DST: variants seen among roughly 807,000 people sequenced by gnomAD.
DST encodes dystonin.
A neutral mutation model predicts 875.2 loss-of-function variants in DST; 253 were observed. The observed-to-expected ratio is 0.29, with a 90% CI of 0.26 to 0.32. The LOEUF is 0.32. DST is among the 10% of genes least tolerant of loss of function. The pLI, the probability that DST is intolerant of heterozygous loss-of-function variation, is 1.00. For missense variants in DST, 8,287 were observed against 9,111.6 expected, an observed-to-expected ratio of 0.91 and a Z score of 3.68; for synonymous variants, 3,124 against 3,197.1, an observed-to-expected ratio of 0.98 and a Z score of 0.77.
At chr6:56,860,556 C>T (rs1349728668) in intron 3 of DST, among the ~76,000 whole-genome samples, 1 of 152,196 alleles carries the variant, frequency 6.6e-6, no homozygotes, top group Admixed American at 6.5e-5. Context: ...CTGGCTCAGG[C>T]TCCCGACGAA....
At chr6:56,790,670 A>T (rs2099719661) in intron 4 of DST, among the ~76,000 whole-genome samples, 1 of 152,204 alleles carries the variant, frequency 6.6e-6, no homozygotes, top group South Asian at 2.1e-4. Flanking sequence ...TCTGGCTGGC[A>T]GCTGGAAATT....
chr6:56,516,219 A>G (rs2096591156), intron 71 of DST, among the ~76,000 whole-genome samples: 1 of 151,602 alleles, frequency 6.6e-6, no homozygotes, highest in Non-Finnish European at 1.5e-5. Flanking sequence ...AAGAGGAATC[A>G]AAGCAGAACA....
chr6:56,536,456 T>G (rs924150906), intron 62 of DST, among the ~76,000 whole-genome samples: 1 of 152,222 alleles, frequency 6.6e-6, no homozygotes, highest in Non-Finnish European at 1.5e-5. Flanking sequence ...TACATGTCAA[T>G]GATCTTCTGG....
intron 75 of DST, 111 bp from the exon 76 acceptor site, chr6:56,506,900 A>T (rs9296848): frequency 3.5e-6 from 4 of 1,150,354 alleles, no homozygotes; most frequent in Admixed American, 2.9e-5. Flanking sequence ...CATTCTAATC[A>T]TTTTTCTGTT....
intron 3 of DST, among the ~76,000 whole-genome samples, chr6:56,858,762 C>G (rs1029158687): frequency 6.6e-6 from 1 of 152,176 alleles, no homozygotes; most frequent in African/African-American, 2.4e-5. Flanking sequence ...TTCTTCCTTT[C>G]TTTCAGTTTA....
rs972634628 is a variant in DST, at chr6:56,627,075, T to C, written c.4722+129A>G. 1.8e-5 allele frequency: 13 copies of C among 741,760 alleles called. No individual in the cohort carries two copies. In the Admixed American group the frequency reaches 2.5e-4, roughly 15 times the overall value. The allele number at this position is 741,760 out of a possible 1,614,324, so 45.9% of individuals were successfully genotyped here. A position where few individuals can be genotyped will look rare whatever the true frequency, so the allele number is the denominator to read the frequency against. Reference sequence around the variant, plus strand: ...ACTAATTTCACAAAGAATTATTAGATAAGTGTCAAAAAAGTTCAAATGAAG... The same window carrying C: ...ACTAATTTCACAAAGAATTATTAGACAAGTGTCAAAAAAGTTCAAATGAAG... On this transcript the variant is annotated intron_variant, in intron 34 of 103. Coordinates refer to ENST00000680361, the MANE Select transcript of DST (RefSeq NM_001374736.1).
rs2095244660 is a variant in DST, at chr6:56,477,401, C to T, written c.21619G>A (p.Asp7207Asn). The change falls in exon 91 of 104, where the codon GAC becomes AAC. Residue 7207 changes from aspartate (D) to asparagine (N), a missense_variant. By Grantham distance (23) the Asp-to-Asn change is conservative (BLOSUM62 1). This residue lies in a region of DST where 1,292 missense variants were observed against 1,552.7 expected (regional missense o/e 0.83). Coordinates refer to ENST00000680361, the MANE Select transcript of DST (RefSeq NM_001374736.1). Reference sequence around the variant, plus strand: ...CAGTGCTTAATGGTAGTGATGGAGTCGGGGTGGCAGATAGCCAAAACGGTG... The same window carrying T: ...CAGTGCTTAATGGTAGTGATGGAGTTGGGGTGGCAGATAGCCAAAACGGTG... ...GDTVLAICHP[D>N]SITTIKHWIT... The T allele has an allele frequency of 1.9e-6, 3 of 1,613,824 alleles. No homozygotes were observed. The African/African-American group carries it at 4.0e-5, about 22-fold the overall frequency.
At chr6:56,716,278 A>T (rs1649274001) in intron 5 of DST, among the ~76,000 whole-genome samples, 1 of 152,242 alleles carries the variant, frequency 6.6e-6, no homozygotes, top group South Asian at 2.1e-4. Flanking sequence ...CTGGTGTTTG[A>T]CAAAAGAACA....
chr6:56,468,809 G>A (rs1440716103), intron 98 of DST, among the ~76,000 whole-genome samples, 173 bp downstream of exon 98: 1 of 152,114 alleles, frequency 6.6e-6, no homozygotes. Context: ...AAGGCAAAAA[G>A]GAATCCTGGA....
In DST at chr6:56,738,329, A is replaced by AT. The variant is rs201688204; in HGVS notation, c.626-3041dup. On this transcript the variant is annotated intron_variant, in intron 4 of 103. Transcript: ENST00000680361. ...ATAAATGCTCAGAATTTATACTAAAATTTTTTTTTGAGACAAAATCTTGCT... is the reference window on the plus strand; with the variant it reads ...ATAAATGCTCAGAATTTATACTAAAATTTTTTTTTTGAGACAAAATCTTGCT... 5.7e-3 allele frequency among the ~76,000 whole-genome samples: 872 copies of AT among 151,736 alleles called. 7 individuals carry two copies. Among genetic ancestry groups the AT allele is most frequent in the African/African-American group, 0.019 (806 of 41,372 alleles).
At chr6:56,550,851 G>A (rs2097309900) in intron 61 of DST, among the ~76,000 whole-genome samples, 1 of 152,164 alleles carries the variant, frequency 6.6e-6, no homozygotes, top group Non-Finnish European at 1.5e-5. Flanking sequence ...AGGAAGAGTT[G>A]CTCCCAAGAT....
chr6:56,528,828 A>G lies in DST; in HGVS notation c.17680+13T>C. ...GCTGACCACATGATGATTTGATTTGAAAGATATCTCACCTGTGGTTTGTTT... is the reference window on the plus strand; with the variant it reads ...GCTGACCACATGATGATTTGATTTGGAAGATATCTCACCTGTGGTTTGTTT... On this transcript the variant is annotated intron_variant, in intron 67 of 103. Coordinates refer to ENST00000680361, the MANE Select transcript of DST (RefSeq NM_001374736.1). 6.7e-7 allele frequency: 1 copy of G among 1,500,160 alleles called. No homozygotes were observed. The highest frequency in any genetic ancestry group is 9.1e-7 in the Non-Finnish European group (1 of 1,094,404). The allele number at this position is 1,500,160 out of a possible 1,614,324, so 92.9% of individuals were successfully genotyped here.
rs966824702 is a variant in DST, at chr6:56,764,542, G to C, written c.626-29253C>G. 5.9e-5 allele frequency among the ~76,000 whole-genome samples: 9 copies of C among 152,138 alleles called. 1 individual carries two copies. Among genetic ancestry groups the C allele is most frequent in the African/African-American group, 2.2e-4 (9 of 41,440 alleles). On this transcript the variant is annotated intron_variant, in intron 4 of 103. Coordinates refer to ENST00000680361, the MANE Select transcript of DST (RefSeq NM_001374736.1). ...CTTTGCCTAATGGCAAAACTTGAGA[G>C]CAATGACCTTGTTTCATGTCTGTTT... is the stretch of plus-strand genomic sequence containing the variant.
intron 4 of DST, among the ~76,000 whole-genome samples, chr6:56,841,631 T>A (rs1229240363): frequency 6.6e-6 from 1 of 152,222 alleles, no homozygotes; most frequent in African/African-American, 2.4e-5. Flanking sequence ...CAGCTATAAT[T>A]TTTTTCAAAA....
chr6:56,593,432 G>T (rs1452216188), intron 48 of DST, among the ~76,000 whole-genome samples: 1 of 150,230 alleles, frequency 6.7e-6, no homozygotes, highest in East Asian at 2.0e-4. Context: ...CAGGAGAATT[G>T]CTTGAACCTG....
intron 10 of DST, among the ~76,000 whole-genome samples, chr6:56,652,273 T>C (rs1400695186): frequency 1.3e-5 from 2 of 152,160 alleles, no homozygotes; most frequent in African/African-American, 4.8e-5. Flanking sequence ...ATATGGACAT[T>C]GGAGACTTCA....
rs760144432 is a variant in DST at position 56,954,520 on chromosome 6, A to C, written c.68T>G (p.Leu23Trp). Residue 23 changes from leucine to tryptophan, a missense_variant, in exon 1 of 104, where the codon TTG (leucine) becomes TGG (tryptophan). Leu to Trp is a moderately conservative substitution (Grantham distance 61, BLOSUM62 -2). Coordinates refer to ENST00000680361, the MANE Select transcript of DST (RefSeq NM_001374736.1). ...GGTGGCGATGGTGCCCAGCAGAAGCAACAAGAGGAAGAGGGCACATTGGAT... is the reference window on the plus strand; with the variant it reads ...GGTGGCGATGGTGCCCAGCAGAAGCCACAAGAGGAAGAGGGCACATTGGAT... ...YSIQCALFLL[L>W]LLLGTIATIV... 1 of 1,367,422 alleles carries C rather than the reference A, an allele frequency of 7.3e-7. No individual in the cohort carries two copies. Among genetic ancestry groups the C allele is most frequent in the Admixed American group, 1.9e-5 (1 of 52,576 alleles). The allele number at this position is 1,367,422 out of a possible 1,614,324, so 84.7% of individuals were successfully genotyped here.
intron 2 of DST, among the ~76,000 whole-genome samples, chr6:56,938,108 C>CTATATATATATATATA (rs3031114): frequency 1.7e-5 from 2 of 120,752 alleles, no homozygotes; most frequent in African/African-American, 3.5e-5. Context: ...CTCTCTCTCT[C>CTATATATATATATATA]TATATATATA....
At chr6:56,527,304 T>C (rs1474840073) in intron 68 of DST, among the ~76,000 whole-genome samples, 189 bp downstream of exon 68, 2 of 152,088 alleles carry the variant, frequency 1.3e-5, no homozygotes, top group African/African-American at 4.8e-5. Context: ...AATTATAACA[T>C]ACTGTTTTCA....
Sources: gnomAD v4.1 joint callset for allele counts (sites outside exome capture counted in the v4.1 genomes callset) on GRCh38, gnomAD v4.1.1 for gene constraint, gnomAD v4.1.1 regional missense constraint, MANE v1.5 for transcripts, NCBI Gene and HGNC (gene_info 2026-07-23, HGNC 2026-07-21) for gene names.